The following SEC24B variants were observed in gnomAD, a reference collection of about 807,000 sequenced individuals.
SEC24B encodes protein transport protein Sec24B.
SEC24B carries 45 observed loss-of-function variants against 142.8 expected under a neutral mutation model. That is an observed-to-expected ratio of 0.32 (90% CI 0.25 to 0.40). SEC24B has a LOEUF of 0.40. SEC24B is among the 10% of genes least tolerant of loss of function. The pLI, the probability that SEC24B is intolerant of heterozygous loss-of-function variation, is 1.00. For missense variants in SEC24B, 1,409 were observed against 1,526.8 expected, an observed-to-expected ratio of 0.92 and a Z score of 1.29; for synonymous variants, 574 against 568.2, an observed-to-expected ratio of 1.01 and a Z score of -0.15.
intron 7 of SEC24B, among the ~76,000 whole-genome samples, chr4:109,507,553 T>C (rs1005205988): frequency 6.6e-6 from 1 of 151,528 alleles, no homozygotes; most frequent in South Asian, 2.1e-4. Context: ...GGATTATAGG[T>C]GTGATCCACC....
intron 11 of SEC24B, among the ~76,000 whole-genome samples, chr4:109,519,209 C>G (rs1310086993): frequency 6.6e-6 from 1 of 152,024 alleles, no homozygotes; most frequent in Non-Finnish European, 1.5e-5. Context: ...GCTCCTATTC[C>G]GTCACTGTGC....
At position 109,539,790 on chromosome 4, in the gene SEC24B, C is replaced by G; in HGVS notation, c.*115C>G. 1.5e-6 allele frequency: 1 copy of G among 667,156 alleles called. No individual in the cohort carries two copies. The highest frequency in any genetic ancestry group is 1.8e-5 in the South Asian group (1 of 54,136). 41.3% of individuals were successfully genotyped at this position (667,156 alleles called of 1,614,324 possible). A position where few individuals can be genotyped will look rare whatever the true frequency, so the allele number is the denominator to read the frequency against. On this transcript the variant is annotated 3_prime_UTR_variant, in exon 24 of 24. Transcript: ENST00000265175. ...ATTTGTTAATACAAGATGCAACGCA[C>G]AGCACTCTGTCTGAGGCTTTGGTAA... is the stretch of plus-strand genomic sequence containing the variant.
chr4:109,462,697 T>C (rs543765091), intron 1 of SEC24B, among the ~76,000 whole-genome samples: 2 of 152,242 alleles, frequency 1.3e-5, no homozygotes, highest in Non-Finnish European at 2.9e-5. Flanking sequence ...GAGGGAGGAC[T>C]ACAAGGGTGT....
intron 6 of SEC24B, among the ~76,000 whole-genome samples, chr4:109,500,819 C>T (rs572723509): frequency 3.9e-4 from 59 of 151,948 alleles, no homozygotes; most frequent in African/African-American, 1.3e-3. Flanking sequence ...GTACCACGCC[C>T]GGCTAATTTC....
At chr4:109,480,522 A>G (rs1330776589) in intron 3 of SEC24B, among the ~76,000 whole-genome samples, 1 of 151,914 alleles carries the variant, frequency 6.6e-6, no homozygotes, top group African/African-American at 2.4e-5. Flanking sequence ...TTGCTCTGTC[A>G]CCAGGCTGGA....
intron 2 of SEC24B, among the ~76,000 whole-genome samples, chr4:109,472,641 C>T (rs1363050857): frequency 6.6e-6 from 1 of 151,960 alleles, no homozygotes; most frequent in African/African-American, 2.4e-5. Flanking sequence ...ATAATCTGTG[C>T]AATAATTAGT....
At chr4:109,488,982 T>C (rs570012768) in intron 4 of SEC24B, among the ~76,000 whole-genome samples, 88 of 152,270 alleles carry the variant, frequency 5.8e-4, no homozygotes, top group Admixed American at 1.6e-3. Flanking sequence ...TGTAAGAGTT[T>C]GTTACATATT....
chr4:109,475,083 A>C, intron 3 of SEC24B, among the ~76,000 whole-genome samples: 1 of 152,234 alleles, frequency 6.6e-6, no homozygotes, highest in East Asian at 1.9e-4. Flanking sequence ...TTCTTTCTAT[A>C]AAATAAAGCT....
At chr4:109,478,287 A>T (rs910219634) in intron 3 of SEC24B, among the ~76,000 whole-genome samples, 3 of 102,094 alleles carry the variant, frequency 2.9e-5, no homozygotes, top group African/African-American at 1.3e-4. Flanking sequence ...CTCTGTCTTA[A>T]AAAAAAAAAA....
rs1301909907 is a variant in SEC24B, at chr4:109,494,635, A to G, written c.1267A>G (p.Ser423Gly). 6 of 1,613,964 alleles carry G rather than the reference A, an allele frequency of 3.7e-6. No homozygotes were observed. The East Asian group carries it at 8.9e-5, about 24-fold the overall frequency. The change falls in exon 6 of 24, where the codon AGC becomes GGC. Residue 423 changes from serine to glycine, a missense_variant. Physicochemically the swap from Ser to Gly is moderately conservative, Grantham distance 56. This residue lies in a region of SEC24B where 709 missense variants were observed against 673.5 expected (regional missense o/e 1.05). Coordinates refer to ENST00000265175, the MANE Select transcript of SEC24B (RefSeq NM_006323.5). The stretch of plus-strand genomic sequence containing the variant: ...TTTAGATATGCTTTCTTCATCAGCA[A>G]GCAGTCCTGCTCCTGATCCCGCCCC... ...SYPDMLSSSA[S>G]SPAPDPAPEP...
intron 4 of SEC24B, among the ~76,000 whole-genome samples, chr4:109,484,350 A>C (rs1287058469): frequency 2.0e-5 from 3 of 152,176 alleles, no homozygotes; most frequent in Non-Finnish European, 4.4e-5. Flanking sequence ...TTCTCAGTGC[A>C]TCCTATTTGA....
At chr4:109,506,926 A>G (rs1465548639) in intron 7 of SEC24B, among the ~76,000 whole-genome samples, 1 of 152,190 alleles carries the variant, frequency 6.6e-6, no homozygotes, top group East Asian at 1.9e-4. Context: ...ACAGGTTTAG[A>G]TAAATGGTTT....
intron 3 of SEC24B, among the ~76,000 whole-genome samples, chr4:109,478,785 A>G (rs1456400288): frequency 6.6e-6 from 1 of 152,254 alleles, no homozygotes; most frequent in Non-Finnish European, 1.5e-5. Flanking sequence ...TGTAAAATAA[A>G]AGAAAGGCTG....
intron 7 of SEC24B, among the ~76,000 whole-genome samples, chr4:109,509,675 T>G (rs1459148573): frequency 1.0e-5 from 1 of 98,258 alleles, no homozygotes; most frequent in Non-Finnish European, 1.8e-5. Flanking sequence ...AGACTCCATC[T>G]CAGAAAAAAA....
At chr4:109,491,304 A>C in intron 4 of SEC24B, 23 bp from the exon 5 acceptor site, 8 of 1,568,824 alleles carry the variant, frequency 5.1e-6, no homozygotes, top group Non-Finnish European at 7.0e-6. Context: ...TAAACCTAGT[A>C]GATATTTTGG....
intron 6 of SEC24B, among the ~76,000 whole-genome samples, chr4:109,502,492 G>A (rs1307882878): frequency 1.3e-5 from 2 of 152,202 alleles, no homozygotes; most frequent in Non-Finnish European, 2.9e-5. Flanking sequence ...GTATCATGGA[G>A]GTTGTAAAAA....
chr4:109,511,450 A>C (rs2126048269), intron 8 of SEC24B, among the ~76,000 whole-genome samples: 1 of 152,354 alleles, frequency 6.6e-6, no homozygotes, highest in East Asian at 1.9e-4. Flanking sequence ...GTGATCTCTT[A>C]ATCTTTTTTC....
rs1736683967 is a variant in SEC24B, at chr4:109,506,337, G to T, written c.1498G>T (p.Gly500Cys). Residue 500 changes from glycine (G) to cysteine (C), a missense_variant, in exon 7 of 24, where the codon GGT (glycine) becomes TGT (cysteine). By Grantham distance (159) the Gly-to-Cys change is radical. This residue lies in a region of SEC24B where 709 missense variants were observed against 673.5 expected (regional missense o/e 1.05). Coordinates refer to ENST00000265175, the MANE Select transcript of SEC24B (RefSeq NM_006323.5). ...GFQQYPQQYP[G>C]VNQLSSSIGG... ...TGAATTGCTCTTTCAGCAGTATCCT[G>T]GTGTGAACCAGCTATCCTCCAGTAT... 6.4e-7 allele frequency: 1 copy of T among 1,561,528 alleles called. No individual in the cohort carries two copies. Among genetic ancestry groups the T allele is most frequent in the Non-Finnish European group, 8.6e-7 (1 of 1,158,420 alleles).
At chr4:109,533,150 G>A (rs10003981) in intron 21 of SEC24B, among the ~76,000 whole-genome samples, 17,624 of 152,122 alleles carry the variant, frequency 0.12, 3,400 homozygotes, top group African/African-American at 0.4. Flanking sequence ...ATGATTAGGA[G>A]TTCAAGAGAA....
Sources: gnomAD v4.1 joint callset for allele counts (sites outside exome capture counted in the v4.1 genomes callset) on GRCh38, gnomAD v4.1.1 for gene constraint, gnomAD v4.1.1 regional missense constraint, MANE v1.5 for transcripts, NCBI Gene and HGNC (gene_info 2026-07-23, HGNC 2026-07-21) for gene names.